Variants in RBBP8 observed in about 807,000 individuals in gnomAD.
The protein encoded by RBBP8 is RB binding protein 8, endonuclease, also known as DNA endonuclease RBBP8.
Under a neutral mutation model 108.3 loss-of-function variants are expected in RBBP8, and 88 were observed. The ratio of observed to expected loss-of-function variants is 0.81; its 90% CI spans 0.68 to 0.97. The LOEUF (loss-of-function observed/expected upper bound fraction) is 0.97. RBBP8 is among the 50% of genes least tolerant of loss of function. RBBP8 has a pLI of 0.00. For missense variants in RBBP8, 1,023 were observed against 1,049.0 expected, an observed-to-expected ratio of 0.98 and a Z score of 0.34; for synonymous variants, 332 against 348.2, an observed-to-expected ratio of 0.95 and a Z score of 0.52.
At chr18:22,971,637 ATTTCT>A (rs1276622091) in intron 5 of RBBP8, among the ~76,000 whole-genome samples, 6 of 138,254 alleles carry the variant, frequency 4.3e-5, no homozygotes, top group Non-Finnish European at 6.3e-5. Context: ...CCAATGTTTA[ATTTCT>A]TTTTTTTTTT....
rs2144768718 is a variant in RBBP8, at chr18:23,006,504, T to G, written c.2357+72T>G. 13 of 1,299,268 alleles carry G rather than the reference T, an allele frequency of 1.0e-5. No individual in the cohort carries two copies. In the South Asian group the frequency reaches 1.2e-4, roughly 12 times the overall value. The allele number at this position is 1,299,268 out of a possible 1,614,324, so 80.5% of individuals were successfully genotyped here. A position where few individuals can be genotyped will look rare whatever the true frequency, so the allele number is the denominator to read the frequency against. ...AGAGCTGTCTTTTATTTCTCTCTCT[T>G]TTTTCTTTTTTTTTAAAGACAGAGT... On this transcript the variant is annotated intron_variant, in intron 16 of 18. Coordinates refer to ENST00000327155, the MANE Select transcript of RBBP8 (RefSeq NM_002894.3).
chr18:23,014,701 A>G (rs1273526141), intron 16 of RBBP8, among the ~76,000 whole-genome samples: 1 of 152,162 alleles, frequency 6.6e-6, no homozygotes, highest in Non-Finnish European at 1.5e-5. Flanking sequence ...TTTCTTCCCA[A>G]CGTACTCCAT....
At chr18:23,002,674 G>A (rs779041102) in intron 15 of RBBP8, among the ~76,000 whole-genome samples, 12 of 151,952 alleles carry the variant, frequency 7.9e-5, no homozygotes, top group East Asian at 1.9e-4. Flanking sequence ...AAATTGGTCC[G>A]AATTTTTAAT....
intron 18 of RBBP8, among the ~76,000 whole-genome samples, chr18:23,024,868 C>G (rs564213151): frequency 6.6e-6 from 1 of 152,004 alleles, no homozygotes; most frequent in South Asian, 2.1e-4. Context: ...AAATTTTTAC[C>G]CACAAGACGA....
intron 16 of RBBP8, among the ~76,000 whole-genome samples, chr18:23,008,340 A>G (rs2046095471): frequency 6.6e-6 from 1 of 152,168 alleles, no homozygotes; most frequent in African/African-American, 2.4e-5. Flanking sequence ...CTAACAGGCC[A>G]AGATTTTTTT....
intron 14 of RBBP8, 135 bp downstream of exon 14, chr18:22,997,869 C>A: frequency 1.4e-6 from 1 of 700,980 alleles, no homozygotes; most frequent in Non-Finnish European, 2.6e-6. Flanking sequence ...ACTTTATGTT[C>A]CTCTTAGGAA....
intron 2 of RBBP8, 165 bp downstream of exon 2, chr18:22,937,125 G>A: frequency 7.1e-7 from 1 of 1,400,012 alleles, no homozygotes; most frequent in Non-Finnish European, 9.5e-7. Context: ...GCTGGGGTTT[G>A]GTGTGCAAAT....
chr18:22,975,862 C>T lies in RBBP8; in HGVS notation c.428+643C>T, dbSNP rs73966413. Among the ~76,000 whole-genome samples, 235 of 152,204 alleles carry T rather than the reference C, an allele frequency of 1.5e-3. 1 individual carries two copies. Among genetic ancestry groups the T allele is most frequent in the African/African-American group, 5.4e-3 (224 of 41,546 alleles). Reference sequence around the variant, plus strand: ...GACCCATATTTTTTCTGAAAAGCCTCTTTTCTTTCCATTATCCAACACTGT... The same window carrying T: ...GACCCATATTTTTTCTGAAAAGCCTTTTTTCTTTCCATTATCCAACACTGT... On this transcript the variant is annotated intron_variant, in intron 6 of 18. Transcript: ENST00000327155.
chr18:22,943,969 G>A (rs1911324164), intron 2 of RBBP8, among the ~76,000 whole-genome samples: 1 of 152,086 alleles, frequency 6.6e-6, no homozygotes, highest in Admixed American at 6.6e-5. Flanking sequence ...GTAGCACAGT[G>A]CTTGGTCTTG....
intron 2 of RBBP8, among the ~76,000 whole-genome samples, chr18:22,940,542 G>A (rs536049579): frequency 4.4e-4 from 67 of 151,946 alleles, no homozygotes; most frequent in African/African-American, 1.2e-3. Flanking sequence ...GGATGGTGTC[G>A]ATCTCCCGAC....
At chr18:22,969,962 T>A (rs1265480658) in intron 5 of RBBP8, among the ~76,000 whole-genome samples, 1 of 152,208 alleles carries the variant, frequency 6.6e-6, no homozygotes, top group Non-Finnish European at 1.5e-5. Flanking sequence ...AGTTGTTCCT[T>A]GTCATCTGTA....
At chr18:23,011,290 C>G (rs2046155160) in intron 16 of RBBP8, among the ~76,000 whole-genome samples, 1 of 152,172 alleles carries the variant, frequency 6.6e-6, no homozygotes, top group South Asian at 2.1e-4. Flanking sequence ...TGTGGCAACC[C>G]TGTTTGAACA....
intron 13 of RBBP8, among the ~76,000 whole-genome samples, chr18:22,997,132 G>A (rs1019769781): frequency 2.0e-5 from 3 of 152,256 alleles, no homozygotes; most frequent in East Asian, 3.9e-4. Context: ...ATTTTTAAAA[G>A]TTAAAATTCA....
intron 16 of RBBP8, among the ~76,000 whole-genome samples, chr18:23,008,458 T>G (rs941439076): frequency 6.6e-6 from 1 of 152,190 alleles, no homozygotes; most frequent in African/African-American, 2.4e-5. Context: ...CAAATGTGAC[T>G]AGGTTGTTTT....
At chr18:22,969,772 A>T (rs1361388535) in intron 5 of RBBP8, among the ~76,000 whole-genome samples, 2 of 152,084 alleles carry the variant, frequency 1.3e-5, no homozygotes, top group Non-Finnish European at 2.9e-5. Flanking sequence ...TTTTAATGTT[A>T]TCATACCATA....
At chr18:22,967,670 G>A (rs1453250649) in intron 4 of RBBP8, among the ~76,000 whole-genome samples, 6 of 141,352 alleles carry the variant, frequency 4.2e-5, no homozygotes, top group Non-Finnish European at 7.6e-5. Flanking sequence ...TTTTTGAGAC[G>A]GAGTCTCGCT....
intron 3 of RBBP8, among the ~76,000 whole-genome samples, chr18:22,925,096 T>C (rs1049880679): frequency 6.6e-6 from 1 of 151,928 alleles, no homozygotes; most frequent in African/African-American, 2.4e-5. Context: ...GTTGCCCAGG[T>C]TGGTCTCAAG....
rs73966405 is a variant in RBBP8, at chr18:22,964,550, T to G, written c.249-4256T>G. Among the ~76,000 whole-genome samples the G allele has an allele frequency of 1.6e-3, 236 of 151,556 alleles. 1 individual carries two copies. Among genetic ancestry groups the G allele is most frequent in the African/African-American group, 5.4e-3 (225 of 41,520 alleles). Reference sequence around the variant, plus strand: ...TGCCCAGTTTTATCTAAATTTTCTCTTTACTTTTTGAGTAGATTTTCTTAG... The same window carrying G: ...TGCCCAGTTTTATCTAAATTTTCTCGTTACTTTTTGAGTAGATTTTCTTAG... On this transcript the variant is annotated intron_variant, in intron 4 of 18. Coordinates refer to ENST00000327155, the MANE Select transcript of RBBP8 (RefSeq NM_002894.3).
chr18:22,972,430 T>G (rs1251452077), intron 5 of RBBP8, among the ~76,000 whole-genome samples: 1 of 150,550 alleles, frequency 6.6e-6, no homozygotes, highest in African/African-American at 2.4e-5. Context: ...TTTTTTTTTT[T>G]AGAGATGGAT....
Sources: allele counts gnomAD v4.1 joint callset (sites outside exome capture counted in the v4.1 genomes callset), GRCh38; gene constraint gnomAD v4.1.1; transcripts MANE v1.5; gene names NCBI Gene and HGNC (gene_info 2026-07-23, HGNC 2026-07-21).